Variants in TRIM29 observed in about 807,000 individuals in gnomAD.
TRIM29 encodes the protein tripartite motif-containing protein 29.
A neutral mutation model predicts 57.3 loss-of-function variants in TRIM29; 52 were observed. The ratio of observed to expected loss-of-function variants is 0.91; its 90% CI spans 0.73 to 1.14. TRIM29 has a LOEUF of 1.14. TRIM29 is among the 50% of genes most tolerant of loss of function. The pLI, the probability that TRIM29 is intolerant of heterozygous loss-of-function variation, is 0.00. For missense variants in TRIM29, 753 were observed against 774.6 expected, an observed-to-expected ratio of 0.97 and a Z score of 0.33; for synonymous variants, 319 against 316.9, an observed-to-expected ratio of 1.01 and a Z score of -0.07.
intron 3 of TRIM29, among the ~76,000 whole-genome samples, chr11:120,126,936 G>A (rs1156546501): frequency 2.6e-5 from 4 of 152,168 alleles, no homozygotes; most frequent in Non-Finnish European, 5.9e-5. Flanking sequence ...CTAGCAGATG[G>A]AAGGATGAAT....
At chr11:120,121,848 G>A (rs1863456283) in intron 5 of TRIM29, 3 of 382,580 alleles carry the variant, frequency 7.8e-6, no homozygotes, top group African/African-American at 2.1e-5. Flanking sequence ...TGGATGGAAG[G>A]GAGAGACAGG....
At chr11:120,123,365 T>C (rs1466705196) in intron 4 of TRIM29, 1 of 552,640 alleles carries the variant, frequency 1.8e-6, no homozygotes, top group Non-Finnish European at 3.4e-6. Context: ...CCATTTCTTA[T>C]TTGATCCATA....
In TRIM29 at chr11:120,120,572, C is replaced by G. The variant is rs267602725; in HGVS notation, c.1528+1G>C. On this transcript the variant is annotated splice_donor_variant, in intron 6 of 8. Transcript: ENST00000341846. LOFTEE classifies it high-confidence loss of function. ...CACCCTTGAGCTGAGCCACCACCTA[C>G]CTTTGGTGCCATAGAGATTGTTGAA... 2 of 1,612,450 alleles carry G rather than the reference C, an allele frequency of 1.2e-6. No homozygotes were observed. The highest frequency in any genetic ancestry group is 1.7e-5 in the Admixed American group (1 of 59,916).
chr11:120,123,354 C>A, intron 4 of TRIM29: 1 of 579,660 alleles, frequency 1.7e-6, no homozygotes, highest in Non-Finnish European at 3.3e-6. Flanking sequence ...GCTATTAATG[C>A]CCATTTCTTA....
At chr11:120,131,344 C>A in intron 1 of TRIM29, among the ~76,000 whole-genome samples, 1 of 152,110 alleles carries the variant, frequency 6.6e-6, no homozygotes. Context: ...GCCAGTCCCT[C>A]AGGAGTCCAT....
intron 5 of TRIM29, chr11:120,122,079 TCTG>T (rs1484175357): frequency 7.6e-6 from 3 of 396,548 alleles, no homozygotes; most frequent in African/African-American, 2.1e-5. Context: ...CAGGTGCTTT[TCTG>T]TTGAGCTCAT....
chr11:120,122,747 A>G (rs1863489588), intron 5 of TRIM29, among the ~76,000 whole-genome samples: 1 of 152,150 alleles, frequency 6.6e-6, no homozygotes, highest in African/African-American at 2.4e-5. Context: ...GTAACTTCTC[A>G]TTCGAACCAG....
chr11:120,116,893 G>A, intron 7 of TRIM29: 1 of 345,040 alleles, frequency 2.9e-6, no homozygotes, highest in South Asian at 2.2e-5. Context: ...GTGGCAGAGA[G>A]CCCCCCATGT....
chr11:120,128,948 G>A, intron 1 of TRIM29: 1 of 1,343,880 alleles, frequency 7.4e-7, no homozygotes, highest in Non-Finnish European at 9.6e-7. Context: ...TCTATGGCAT[G>A]ACGTAGGGCT....
intron 2 of TRIM29, 105 bp downstream of exon 2, chr11:120,128,295 G>T: frequency 1.1e-6 from 1 of 873,124 alleles, no homozygotes; most frequent in Non-Finnish European, 1.8e-6. Flanking sequence ...AACATATTGG[G>T]ATGTCTACGT....
At chr11:120,128,959 G>C (rs555854858) in intron 1 of TRIM29, 8 of 1,319,206 alleles carry the variant, frequency 6.1e-6, no homozygotes, top group Non-Finnish European at 7.8e-6. Flanking sequence ...ACGTAGGGCT[G>C]TGTTGCAAGC....
At chr11:120,125,513 AAGG>A (rs1159342788) in intron 4 of TRIM29, 175 bp downstream of exon 4, 11 of 620,076 alleles carry the variant, frequency 1.8e-5, no homozygotes, top group Non-Finnish European at 2.9e-5. Flanking sequence ...AGCAAGTTCA[AAGG>A]AGGAGGAGGG....
chr11:120,114,070 C>G (rs901522007), intron 8 of TRIM29, among the ~76,000 whole-genome samples: 2 of 152,150 alleles, frequency 1.3e-5, no homozygotes, highest in Admixed American at 6.5e-5. Context: ...AATGAGACAG[C>G]TGGGGCCAGC....
Position 120,112,245 on chromosome 11 carries a change from G to A in TRIM29, c.*169C>T, listed in dbSNP as rs1004725516. The A allele has an allele frequency of 3.1e-6, 2 of 643,844 alleles. No individual in the cohort carries two copies. Among genetic ancestry groups the A allele is most frequent in the Admixed American group, 6.1e-5 (2 of 32,654 alleles). The allele number at this position is 643,844 out of a possible 1,614,324, so 39.9% of individuals were successfully genotyped here. A position where few individuals can be genotyped will look rare whatever the true frequency, so the allele number is the denominator to read the frequency against. On this transcript the variant is annotated 3_prime_UTR_variant, in exon 9 of 9. Coordinates refer to ENST00000341846, the MANE Select transcript of TRIM29 (RefSeq NM_012101.4). Reference sequence around the variant, plus strand: ...GTCTGAATGGAGTGTGGCCAGTGGGGAAGTCGGAGAGGCCGGAACTGCCCC... The same window carrying A: ...GTCTGAATGGAGTGTGGCCAGTGGGAAAGTCGGAGAGGCCGGAACTGCCCC...
In TRIM29 at chr11:120,127,535, T is replaced by C; in HGVS notation, c.935A>G (p.Gln312Arg). The C allele has an allele frequency of 6.2e-7, 1 of 1,614,170 alleles. No individual in the cohort carries two copies. Among genetic ancestry groups the C allele is most frequent in the Non-Finnish European group, 8.5e-7 (1 of 1,180,004 alleles). ...GTCCCGCACCAGGTCCCGGAAGTTC[T>C]GCTCCAGGATGGCCTTCTCATTGGT... ...FTTNEKAILE[Q>R]NFRDLVRDLE... is the part of the protein sequence containing the mutation. The change falls in exon 3 of 9, where the codon CAG (glutamine) becomes CGG (arginine). Residue 312 changes from glutamine to arginine, a missense_variant. Gln to Arg is a conservative substitution (Grantham distance 43). Coordinates refer to ENST00000341846, the MANE Select transcript of TRIM29 (RefSeq NM_012101.4).
At position 120,127,442 on chromosome 11, in the gene TRIM29, A is replaced by G. The variant is rs1341287739; in HGVS notation, c.1028T>C (p.Val343Ala). Residue 343 changes from valine (V) to alanine (A), a missense_variant, in exon 3 of 9, where the codon GTG becomes GCG. Val to Ala is a moderately conservative substitution (Grantham distance 64). Coordinates refer to ENST00000341846, the MANE Select transcript of TRIM29 (RefSeq NM_012101.4). The part of the protein sequence containing the change: ...EQREQDAVDQ[V>A]KVIMDALDER... ...ATCCAGAGCATCCATGATCACCTTC[A>G]CTTGGTCCACAGCATCCTGCTCCCG... 3.1e-6 allele frequency: 5 copies of G among 1,614,030 alleles called. No individual in the cohort carries two copies. In the African/African-American group the frequency reaches 5.3e-5, roughly 17 times the overall value.
intron 3 of TRIM29, 125 bp downstream of exon 3, chr11:120,127,211 T>A: frequency 1.3e-6 from 1 of 758,902 alleles, no homozygotes; most frequent in Non-Finnish European, 2.1e-6. Context: ...GATGGCTGGA[T>A]GGTGGATGAA....
At chr11:120,128,771 C>A in intron 1 of TRIM29, 1 of 1,534,422 alleles carries the variant, frequency 6.5e-7, no homozygotes, top group Non-Finnish European at 8.7e-7. Flanking sequence ...GGCTAAACCT[C>A]TGCCTATCTC....
At chr11:120,129,311 G>A (rs1863670696) in intron 1 of TRIM29, among the ~76,000 whole-genome samples, 1 of 152,162 alleles carries the variant, frequency 6.6e-6, no homozygotes, top group South Asian at 2.1e-4. Context: ...CAAAAGGAGA[G>A]GCATGAAGCT....
Sources: allele counts gnomAD v4.1 joint callset (sites outside exome capture counted in the v4.1 genomes callset), GRCh38; gene constraint gnomAD v4.1.1; transcripts MANE v1.5; gene names NCBI Gene and HGNC (gene_info 2026-07-23, HGNC 2026-07-21).